The following CD36 variants were observed in gnomAD, a reference collection of about 807,000 sequenced individuals.
CD36 encodes the protein CD36 molecule (CD36 blood group).
In CD36, 119 loss-of-function variants were observed where a neutral mutation model predicts 55.2. That is an observed-to-expected ratio of 2.15 (90% CI 1.86 to 2.51). The LOEUF (loss-of-function observed/expected upper bound fraction) is 2.51. Among genes scored for constraint, CD36 ranks in the 30% most tolerant of loss-of-function variants. The pLI, the probability that CD36 is intolerant of heterozygous loss-of-function variation, is 0.00. For missense variants in CD36, 819 were observed against 555.5 expected (o/e 1.47, Z -4.77); for synonymous variants, 186 against 193.6 (o/e 0.96, Z 0.33).
chr7:80,666,308 C>T (rs1797085960), intron 7 of CD36, 135 bp from the exon 8 acceptor site: 1 of 682,300 alleles, frequency 1.5e-6, no homozygotes, highest in Admixed American at 2.1e-5. Context: ...CAGAATTGAA[C>T]ATTTCTTAAA....
chr7:80,622,033 G>T (rs1793498766), intron 1 of CD36, among the ~76,000 whole-genome samples: 1 of 152,100 alleles, frequency 6.6e-6, no homozygotes, highest in Non-Finnish European at 1.5e-5. Flanking sequence ...CCTTTGAGTG[G>T]TGTCTTTGCT....
At chr7:80,602,367 C>A (rs1045072233) in exon 1 of CD36, 2 of 152,116 alleles carry the variant, frequency 1.3e-5, no homozygotes, top group Non-Finnish European at 2.9e-5. Context: ...AAAGCAAGCT[C>A]TTCTAGAAGT....
chr7:80,672,343 C>T (rs575103801), intron 11 of CD36, among the ~76,000 whole-genome samples: 14 of 151,702 alleles, frequency 9.2e-5, no homozygotes, highest in East Asian at 3.9e-4. Flanking sequence ...ATTGTTGTAG[C>T]GCAACAGTTT....
At chr7:80,637,876 G>A (rs1046382145), upstream of CD36, among the ~76,000 whole-genome samples, 3 of 149,856 alleles carry the variant, frequency 2.0e-5, no homozygotes, top group Admixed American at 1.4e-4. Flanking sequence ...AAAGTGCAAG[G>A]CCTTCTATTT....
At chr7:80,611,822 G>T (rs1792892046) in intron 1 of CD36, among the ~76,000 whole-genome samples, 1 of 152,192 alleles carries the variant, frequency 6.6e-6, no homozygotes, top group Admixed American at 6.6e-5. Context: ...AGCTGTAATT[G>T]ATAAAGAAGC....
intron 7 of CD36, chr7:80,665,871 CA>C (rs1439379758): frequency 1.3e-5 from 2 of 152,556 alleles, no homozygotes; most frequent in Admixed American, 1.3e-4. Context: ...ATTTAGACAG[CA>C]AAGTATAAGT....
At chr7:80,670,904 G>GAATA in intron 9 of CD36, 73 bp from the exon 10 acceptor site, 1 of 1,051,582 alleles carries the variant, frequency 9.5e-7, no homozygotes, top group Non-Finnish European at 1.5e-6. Flanking sequence ...GTTAAAACAA[G>GAATA]AATAAGAAAA....
At chr7:80,622,351 G>T (rs1038846028) in intron 1 of CD36, among the ~76,000 whole-genome samples, 1 of 152,226 alleles carries the variant, frequency 6.6e-6, no homozygotes, top group Non-Finnish European at 1.5e-5. Flanking sequence ...AGGGTCCCCG[G>T]CTTGCAAAGA....
At chr7:80,648,731 G>A (rs1055003808) in intron 3 of CD36, among the ~76,000 whole-genome samples, 1 of 151,998 alleles carries the variant, frequency 6.6e-6, no homozygotes, top group Admixed American at 6.6e-5. Flanking sequence ...TACTTTGAAA[G>A]AGAAATCTCT....
intron 1 of CD36, among the ~76,000 whole-genome samples, chr7:80,623,331 G>C (rs1793572639): frequency 7.0e-6 from 1 of 142,006 alleles, no homozygotes; most frequent in Non-Finnish European, 1.6e-5. Context: ...CTCACAGTAG[G>C]GGTCACATTT....
intron 8 of CD36, among the ~76,000 whole-genome samples, chr7:80,667,422 C>CCTGT (rs1336127376): frequency 1.8e-4 from 24 of 131,432 alleles, no homozygotes; most frequent in Admixed American, 5.6e-4. Context: ...AGTGTGAGAC[C>CCTGT]CTGTCTCAAA....
At chr7:80,635,104 G>C (rs982462313), upstream of CD36, among the ~76,000 whole-genome samples, 1 of 152,040 alleles carries the variant, frequency 6.6e-6, no homozygotes, top group Admixed American at 6.6e-5. Flanking sequence ...ATTACTGGGG[G>C]AAGGTTAACA....
chr7:80,673,361 A>G lies in CD36; in HGVS notation c.1206A>G (p.Leu402=). The change falls in exon 13 of 15, where the codon TTA becomes TTG. Residue 402 remains leucine (L), a synonymous_variant. Coordinates refer to ENST00000447544, the MANE Select transcript of CD36 (RefSeq NM_001001548.3). The stretch of plus-strand genomic sequence containing the variant: ...TTTTCAACGTATATTACAGAGTATT[A>G]AAGAATCTGAAGAGGAACTATATTG... ...LVKPSEKIQV[L]KNLKRNYIVP... 6.8e-7 allele frequency: 1 copy of G among 1,464,730 alleles called. No individual in the cohort carries two copies. The highest frequency in any genetic ancestry group is 9.6e-7 in the Non-Finnish European group (1 of 1,045,524). 90.7% of individuals were successfully genotyped at this position (1,464,730 alleles called of 1,614,324 possible).
At chr7:80,668,877 C>T (rs1478923330) in intron 8 of CD36, among the ~76,000 whole-genome samples, 2 of 152,164 alleles carry the variant, frequency 1.3e-5, no homozygotes, top group Non-Finnish European at 2.9e-5. Context: ...TAGTGATATT[C>T]ATGTGAGAAG....
Position 80,672,027 on chromosome 7 carries a change from T to C in CD36, c.1112T>C (p.Leu371Ser). ...NPNEEEHRTY[L>S]DIEPITGFTL... ...AATGAAGAAGAACATAGGACATACT[T>C]GGATATTGAACCTGTAAGAAAACAC... The change falls in exon 11 of 15, where the codon TTG becomes TCG. Residue 371 changes from leucine to serine, a missense_variant. Transcript: ENST00000447544. 6.2e-7 allele frequency: 1 copy of C among 1,607,150 alleles called. No homozygotes were observed. Among genetic ancestry groups the C allele is most frequent in the Non-Finnish European group, 8.5e-7 (1 of 1,174,960 alleles).
chr7:80,675,646 A>G (rs909973622), intron 14 of CD36, among the ~76,000 whole-genome samples: 4 of 152,130 alleles, frequency 2.6e-5, no homozygotes, highest in African/African-American at 9.7e-5. Flanking sequence ...GATTTACTAG[A>G]TTTAGAAGAA....
chr7:80,672,681 C>T (rs1478126692), intron 11 of CD36, 89 bp from the exon 12 acceptor site: 7 of 880,308 alleles, frequency 8.0e-6, no homozygotes, highest in Non-Finnish European at 1.1e-5. Flanking sequence ...AAGTTACTAC[C>T]TTCTCTTCTG....
intron 1 of CD36, among the ~76,000 whole-genome samples, chr7:80,631,036 C>T (rs1282605402): frequency 1.3e-5 from 2 of 152,006 alleles, no homozygotes; most frequent in African/African-American, 4.8e-5. Context: ...GCTCCAAAAA[C>T]CAACAAAACA....
intron 1 of CD36, among the ~76,000 whole-genome samples, chr7:80,628,271 C>A (rs1157125281): frequency 6.6e-6 from 1 of 151,980 alleles, no homozygotes; most frequent in East Asian, 1.9e-4. Flanking sequence ...GAATATAATG[C>A]TAAACACTAC....
Sources: gnomAD v4.1 joint callset for allele counts (sites outside exome capture counted in the v4.1 genomes callset) on GRCh38, gnomAD v4.1.1 for gene constraint, MANE v1.5 for transcripts, NCBI Gene and HGNC (gene_info 2026-07-23, HGNC 2026-07-21) for gene names.